VAV1: variants seen among roughly 807,000 people sequenced by gnomAD.
VAV1 encodes the protein proto-oncogene vav.
In VAV1, 33 loss-of-function variants were observed where a neutral mutation model predicts 128.1. The ratio of observed to expected loss-of-function variants is 0.26; its 90% CI spans 0.20 to 0.34. The LOEUF (loss-of-function observed/expected upper bound fraction) is 0.34. Ranked by LOEUF, VAV1 falls within the 10% of genes least tolerant of loss-of-function variation. The probability of loss-of-function intolerance (pLI) is 1.00; values close to 1 mark genes in which losing one functional copy is unlikely to be tolerated. For missense variants in VAV1, 715 were observed against 1,093.7 expected (o/e 0.65, Z 4.88); for synonymous variants, 394 against 409.8 (o/e 0.96, Z 0.47).
chr19:6,849,518 G>A (rs1387670805), intron 23 of VAV1, among the ~76,000 whole-genome samples: 3 of 150,942 alleles, frequency 2.0e-5, no homozygotes, highest in Non-Finnish European at 1.5e-5. Flanking sequence ...TCACCATGTT[G>A]GCCAGGCTGG....
chr19:6,851,742 T>C (rs1187171303), intron 24 of VAV1, among the ~76,000 whole-genome samples: 1 of 152,214 alleles, frequency 6.6e-6, no homozygotes, highest in Non-Finnish European at 1.5e-5. Flanking sequence ...CTAAGGCATA[T>C]GGTTTTTACC....
chr19:6,800,069 G>A (rs910563615), intron 1 of VAV1, among the ~76,000 whole-genome samples: 2 of 151,638 alleles, frequency 1.3e-5, no homozygotes, highest in South Asian at 2.1e-4. Context: ...GAACTGAGGC[G>A]GGAGGATTGC....
At chr19:6,827,457 C>T (rs164024) in intron 9 of VAV1, among the ~76,000 whole-genome samples, 147,996 of 152,082 alleles carry the variant, frequency 0.97, 72,045 homozygotes, top group African/African-American at 0.99. Context: ...GTGTTTTTTG[C>T]AGAGATGGGG....
chr19:6,845,670 GT>G (rs1418319554), intron 22 of VAV1, among the ~76,000 whole-genome samples: 4 of 149,176 alleles, frequency 2.7e-5, no homozygotes, highest in South Asian at 2.1e-4. Context: ...ACAAATTAAT[GT>G]TTTTTATTTA....
At chr19:6,838,029 A>G (rs1017291533) in intron 21 of VAV1, among the ~76,000 whole-genome samples, 2 of 151,922 alleles carry the variant, frequency 1.3e-5, no homozygotes, top group Non-Finnish European at 2.9e-5. Flanking sequence ...CATTCTTTCC[A>G]AATTTATTAG....
In VAV1 at chr19:6,779,883, G is replaced by A. The variant is rs905446931; in HGVS notation, c.204+6872G>A. The stretch of plus-strand genomic sequence containing the variant: ...TTCCAGCACTTTGGGAGGCCGAGGC[G>A]GGCGGATCACAAGGTCAGGAGATCG... On this transcript the variant is annotated intron_variant, in intron 1 of 26. Coordinates refer to ENST00000602142, the MANE Select transcript of VAV1 (RefSeq NM_005428.4). 7.8e-4 allele frequency among the ~76,000 whole-genome samples: 116 copies of A among 149,530 alleles called. 1 individual carries two copies. The highest frequency in any genetic ancestry group is 2.6e-3 in the African/African-American group (109 of 41,194).
intron 1 of VAV1, among the ~76,000 whole-genome samples, chr19:6,797,046 A>G (rs1295821113): frequency 6.6e-6 from 1 of 151,880 alleles, no homozygotes; most frequent in Admixed American, 6.6e-5. Context: ...AGCCCAGCCA[A>G]CGTGACAAAA....
chr19:6,857,050 C>T lies in VAV1; in HGVS notation c.2485-4C>T. On this transcript the variant is annotated splice_region_variant and splice_polypyrimidine_tract_variant and intron_variant, in intron 26 of 26. Transcript: ENST00000602142. ...GCACTGATGAACTCCTCGTCTGTTT[C>T]CAGGTTGGCTGGTTCCCTGCCAACT... is the stretch of plus-strand genomic sequence containing the variant. 1 of 1,614,054 alleles carries T rather than the reference C, an allele frequency of 6.2e-7. No individual in the cohort carries two copies. Among genetic ancestry groups the T allele is most frequent in the Non-Finnish European group, 8.5e-7 (1 of 1,179,974 alleles).
At chr19:6,782,487 C>T (rs479660) in intron 1 of VAV1, among the ~76,000 whole-genome samples, 32,982 of 151,878 alleles carry the variant, frequency 0.22, 3,678 homozygotes, top group African/African-American at 0.25. Context: ...GCTAAATGAA[C>T]GAGAGTCATT....
At chr19:6,836,363 G>T (rs927021595) in intron 19 of VAV1, 69 bp from the exon 20 acceptor site, 1 of 1,550,090 alleles carries the variant, frequency 6.5e-7, no homozygotes. Flanking sequence ...AGCCATTCTC[G>T]TGGGTGGCAA....
At chr19:6,808,694 CA>C (rs1187462903) in intron 1 of VAV1, among the ~76,000 whole-genome samples, 1 of 152,190 alleles carries the variant, frequency 6.6e-6, no homozygotes, top group Non-Finnish European at 1.5e-5. Context: ...TGCACATTAT[CA>C]GTTAGCTTTT....
At chr19:6,814,667 CCTTCCTTTCTTTCTTT>C (rs1971587051) in intron 1 of VAV1, among the ~76,000 whole-genome samples, 9 of 25,098 alleles carry the variant, frequency 3.6e-4, no homozygotes, top group African/African-American at 2.3e-4. Flanking sequence ...TTCCTTCCTT[CCTTCCTTTCTTTCTTT>C]CTTTCTTTCT....
At chr19:6,793,918 T>C (rs890056492) in intron 1 of VAV1, among the ~76,000 whole-genome samples, 1 of 152,214 alleles carries the variant, frequency 6.6e-6, no homozygotes, top group Non-Finnish European at 1.5e-5. Context: ...CTTCAAGCAG[T>C]ATCCATTAAA....
intron 1 of VAV1, among the ~76,000 whole-genome samples, chr19:6,800,068 C>T (rs1186463624): frequency 2.0e-5 from 3 of 151,510 alleles, no homozygotes; most frequent in Admixed American, 6.6e-5. Context: ...GGAACTGAGG[C>T]GGGAGGATTG....
Position 6,826,020 on chromosome 19 carries a change from G to A in VAV1, c.828-592G>A, listed in dbSNP as rs1971908225. ...ATCATGCCACTGGACTCCAGCCTAG[G>A]CAACAGAGCAAGACTCTGTCTCAGA... On this transcript the variant is annotated intron_variant, in intron 8 of 26. Transcript: ENST00000602142. The surrounding 1 kb of genome is among the most constrained non-coding windows in gnomAD (Gnocchi z 4.1). 6.6e-6 allele frequency among the ~76,000 whole-genome samples: 1 copy of A among 151,692 alleles called. No homozygotes were observed. The highest frequency in any genetic ancestry group is 1.5e-5 in the Non-Finnish European group (1 of 67,942).
intron 22 of VAV1, among the ~76,000 whole-genome samples, chr19:6,844,362 C>A (rs1284615109): frequency 2.6e-5 from 4 of 151,814 alleles, no homozygotes; most frequent in Non-Finnish European, 4.4e-5. Flanking sequence ...ATTACAGGCA[C>A]CTGCCGCCAC....
chr19:6,824,113 A>AT (rs911305067), intron 6 of VAV1, among the ~76,000 whole-genome samples: 7 of 150,922 alleles, frequency 4.6e-5, no homozygotes, highest in Admixed American at 3.3e-4. Context: ...TAATTCTTTA[A>AT]TTTTTTTTGT....
chr19:6,827,942 G>A, intron 9 of VAV1, 134 bp from the exon 10 acceptor site: 1 of 690,246 alleles, frequency 1.4e-6, no homozygotes, highest in South Asian at 1.8e-5. Context: ...ATGATGCTTT[G>A]GCCTCTAGAA....
chr19:6,783,166 G>A (rs931050154), intron 1 of VAV1, among the ~76,000 whole-genome samples: 18 of 151,336 alleles, frequency 1.2e-4, no homozygotes, highest in African/African-American at 4.4e-4. Flanking sequence ...GTGACAGAGC[G>A]AGACTCCGTC....
Sources: allele counts gnomAD v4.1 joint callset (sites outside exome capture counted in the v4.1 genomes callset), GRCh38; gene constraint gnomAD v4.1.1; non-coding constraint Gnocchi (gnomAD v3.1); transcripts MANE v1.5; gene names NCBI Gene and HGNC (gene_info 2026-07-23, HGNC 2026-07-21).